ENY2: variants seen among roughly 807,000 people sequenced by gnomAD.
ENY2 encodes the protein transcription and mRNA export factor ENY2.
Under a neutral mutation model 15.9 loss-of-function variants are expected in ENY2, and 4 were observed. That is an observed-to-expected ratio of 0.25 (90% CI 0.12 to 0.57). The LOEUF is 0.57. Ranked by LOEUF, ENY2 falls within the 20% of genes least tolerant of loss-of-function variation. The pLI is 0.91. For synonymous variants in ENY2, 48 were observed against 38.0 expected, an observed-to-expected ratio of 1.26 and a Z score of -0.97; for missense variants, 54 against 117.2, an observed-to-expected ratio of 0.46 and a Z score of 2.49.
At chr8:109,338,218 A>G (rs1162541065) in intron 2 of ENY2, 2 of 152,258 alleles carry the variant, frequency 1.3e-5, no homozygotes, top group Non-Finnish European at 2.9e-5. Flanking sequence ...GTAATATTCT[A>G]GAGAAGAGAT....
chr8:109,334,552 C>T (rs2980567), intron 1 of ENY2, 78 bp downstream of exon 1: 3 of 1,507,976 alleles, frequency 2.0e-6, no homozygotes, highest in Admixed American at 4.6e-5. Context: ...CTTTCGTTAG[C>T]GTCCCCGACC....
rs759195504 is a variant in ENY2, at chr8:109,343,503, T to G, written c.*22T>G. ...TTAAGATTGAATTAGATTGTGTTGT[T>G]GTGGTTTTATTTCTGAAAGTAAAAC... On this transcript the variant is annotated 3_prime_UTR_variant, in exon 5 of 5. Coordinates refer to ENST00000521688, the MANE Select transcript of ENY2 (RefSeq NM_020189.6). The G allele has an allele frequency of 6.3e-7, 1 of 1,584,560 alleles. No individual in the cohort carries two copies. The highest frequency in any genetic ancestry group is 1.9e-5 in the Admixed American group (1 of 52,286).
chr8:109,339,626 G>C (rs992886210), intron 3 of ENY2: 2 of 424,680 alleles, frequency 4.7e-6, no homozygotes, highest in African/African-American at 4.1e-5. Context: ...TCAGAATATG[G>C]AATCTCATGT....
At chr8:109,339,230 A>G in intron 2 of ENY2, 90 bp from the exon 3 acceptor site, 1 of 1,222,564 alleles carries the variant, frequency 8.2e-7, no homozygotes, top group South Asian at 1.3e-5. Context: ...AAGGCAGGGA[A>G]TTTTTAGTTG....
chr8:109,337,061 A>T (rs1328521287), intron 2 of ENY2, among the ~76,000 whole-genome samples: 1 of 151,526 alleles, frequency 6.6e-6, no homozygotes, highest in Non-Finnish European at 1.5e-5. Context: ...TTTTTGGATG[A>T]TGGGAGTCAT....
At chr8:109,334,594 G>C (rs1435225243) in intron 1 of ENY2, 120 bp downstream of exon 1, 1 of 1,273,278 alleles carries the variant, frequency 7.9e-7, no homozygotes, top group African/African-American at 1.5e-5. Context: ...CTCTCCGACA[G>C]GGCGTGCTAC....
Position 109,334,395 on chromosome 8 carries a change from A to T in ENY2, c.-74A>T. The T allele has an allele frequency of 6.2e-7, 1 of 1,609,882 alleles. No individual in the cohort carries two copies. The highest frequency in any genetic ancestry group is 2.2e-5 in the East Asian group (1 of 44,746). ...TGAGGGTCTAAGTCCGGGCAGCCGA[A>T]GAGTGTGGTAGGTAACGGTCCTCAG... On this transcript the variant is annotated 5_prime_UTR_variant, in exon 1 of 5. In the 5' UTR this introduces an upstream ATG that the reference lacks. Transcript: ENST00000521688.
Position 109,339,352 on chromosome 8 carries a change from A to C in ENY2, c.116A>C (p.Glu39Ala). The change falls in exon 3 of 5, where the codon GAA becomes GCA. Residue 39 changes from glutamate to alanine, a missense_variant. Physicochemically the swap from Glu to Ala is moderately radical, Grantham distance 107. Transcript: ENST00000521688. Reference protein sequence around the residue: ...LKELLRAKLIECGWKDQLKAH... With the variant: ...LKELLRAKLIACGWKDQLKAH... ...GAGTTGCTGAGAGCTAAATTAATTG[A>C]ATGTGGCTGGAAGGATCAGTTGAAG... is the stretch of plus-strand genomic sequence containing the variant. 6.2e-7 allele frequency: 1 copy of C among 1,613,966 alleles called. No homozygotes were observed. The highest frequency in any genetic ancestry group is 1.1e-5 in the South Asian group (1 of 91,074).
chr8:109,342,569 G>T (rs1816145627), intron 4 of ENY2: 1 of 552,144 alleles, frequency 1.8e-6, no homozygotes, highest in Non-Finnish European at 3.2e-6. Context: ...GAGTGCGGTG[G>T]CATGATCATG....
chr8:109,338,677 G>C (rs1378748179), intron 2 of ENY2: 1 of 152,190 alleles, frequency 6.6e-6, no homozygotes, highest in Admixed American at 6.5e-5. Context: ...TTGCACCTGT[G>C]ATGCCATTAG....
chr8:109,337,814 G>A (rs1267495027), intron 2 of ENY2, among the ~76,000 whole-genome samples: 1 of 152,060 alleles, frequency 6.6e-6, no homozygotes, highest in Non-Finnish European at 1.5e-5. Context: ...CAGGTGAATC[G>A]CTTGAACTCG....
chr8:109,334,542 C>G, intron 1 of ENY2, 68 bp downstream of exon 1: 1 of 1,548,094 alleles, frequency 6.5e-7, no homozygotes, highest in Non-Finnish European at 8.7e-7. Flanking sequence ...GATGTACTGT[C>G]TTTCGTTAGC....
intron 3 of ENY2, among the ~76,000 whole-genome samples, chr8:109,340,172 A>G (rs1159976777): frequency 2.0e-5 from 3 of 152,194 alleles, no homozygotes; most frequent in African/African-American, 4.8e-5. Context: ...GAGATCTAGT[A>G]AATGTTAATT....
rs969490103 is a variant in ENY2, at chr8:109,343,737, G to A, written c.*256G>A. The A allele has an allele frequency of 1.3e-5, 5 of 399,830 alleles. No individual in the cohort carries two copies. Among genetic ancestry groups the A allele is most frequent in the South Asian group, 3.9e-5 (1 of 25,934 alleles). 24.8% of individuals were successfully genotyped at this position (399,830 alleles called of 1,614,324 possible). ...TACTAATTCACCAAATTTGTTGAGC[G>A]CAAAAGCAATTAATGTAGTTTAAGT... On this transcript the variant is annotated 3_prime_UTR_variant, in exon 5 of 5. Transcript: ENST00000521688.
rs1358930666 is a variant in ENY2 at position 109,343,599 on chromosome 8, A to G, written c.*118A>G. 2.6e-6 allele frequency: 2 copies of G among 768,226 alleles called. No homozygotes were observed. Among genetic ancestry groups the G allele is most frequent in the East Asian group, 5.4e-5 (2 of 36,868 alleles). 47.6% of individuals were successfully genotyped at this position (768,226 alleles called of 1,614,324 possible). On this transcript the variant is annotated 3_prime_UTR_variant, in exon 5 of 5. Transcript: ENST00000521688. ...GTATGATGGTATACAGTTTTCAGTA[A>G]TGATGTATACATTGTATTGATTTTT...
intron 4 of ENY2, 120 bp from the exon 5 acceptor site, chr8:109,343,285 G>T: frequency 2.9e-6 from 2 of 681,842 alleles, no homozygotes; most frequent in Non-Finnish European, 4.7e-6. Flanking sequence ...TTTTTTAATT[G>T]AACATGAGGG....
chr8:109,342,998 A>C (rs1816156857), intron 4 of ENY2, among the ~76,000 whole-genome samples: 1 of 152,216 alleles, frequency 6.6e-6, no homozygotes, highest in Non-Finnish European at 1.5e-5. Context: ...ACAACTGTAT[A>C]GTAGAAAGAT....
rs754316009 is a variant in ENY2, at chr8:109,336,165, C to T, written c.44C>T (p.Ala15Val). The change falls in exon 2 of 5, where the codon GCG becomes GTG. Residue 15 changes from alanine (A) to valine (V), a missense_variant. Coordinates refer to ENST00000521688, the MANE Select transcript of ENY2 (RefSeq NM_020189.6). ...KMNKDAQMRA[A>V]INQKLIETGE... is the part of the protein sequence containing the mutation. The stretch of plus-strand genomic sequence containing the variant: ...AACAAAGATGCGCAGATGAGAGCAG[C>T]GATTAACCAAAAGTTGATAGAAACT... 7.4e-6 allele frequency: 12 copies of T among 1,613,162 alleles called. No individual in the cohort carries two copies. Among genetic ancestry groups the T allele is most frequent in the South Asian group, 3.3e-5 (3 of 91,034 alleles).
chr8:109,340,931 CCT>C (rs1314505444), intron 4 of ENY2: 4 of 168,556 alleles, frequency 2.4e-5, no homozygotes, highest in African/African-American at 9.6e-5. Context: ...TATTCCAACC[CCT>C]GAGTCATTGC....
Sources: allele counts gnomAD v4.1 joint callset (sites outside exome capture counted in the v4.1 genomes callset), GRCh38; gene constraint gnomAD v4.1.1; transcripts MANE v1.5; gene names NCBI Gene and HGNC (gene_info 2026-07-23, HGNC 2026-07-21).